GABRA2: variants seen among roughly 807,000 people sequenced by gnomAD.
GABRA2 encodes the protein gamma-aminobutyric acid receptor subunit alpha-2.
GABRA2 carries 16 observed loss-of-function variants against 48.7 expected under a neutral mutation model. That is an observed-to-expected ratio of 0.33 (90% CI 0.22 to 0.50). The LOEUF (loss-of-function observed/expected upper bound fraction) is 0.50. Among genes scored for constraint, GABRA2 ranks in the 20% least tolerant of loss-of-function variants. The pLI, the probability that GABRA2 is intolerant of heterozygous loss-of-function variation, is 0.98. For synonymous variants in GABRA2, 185 were observed against 184.5 expected (o/e 1.00, Z -0.02); for missense variants, 275 against 535.6 (o/e 0.51, Z 4.80).
chr4:46,343,370 G>A (rs1382179221), intron 3 of GABRA2, among the ~76,000 whole-genome samples: 1 of 151,848 alleles, frequency 6.6e-6, no homozygotes, highest in African/African-American at 2.4e-5. Context: ...CTCAATTTGG[G>A]GTAGAGGAAG....
At chr4:46,373,551 A>C (rs116277773) in intron 3 of GABRA2, among the ~76,000 whole-genome samples, 2,334 of 152,274 alleles carry the variant, frequency 0.015, 69 homozygotes, top group African/African-American at 0.054. Flanking sequence ...TATTACTAAT[A>C]ATATGGTTCT....
intron 2 of GABRA2, chr4:46,386,977 T>G (rs557595387): frequency 2.9e-4 from 44 of 152,360 alleles, no homozygotes; most frequent in African/African-American, 9.9e-4. Flanking sequence ...CCAGAAAAGC[T>G]TTAGAAATTG....
intron 4 of GABRA2, among the ~76,000 whole-genome samples, chr4:46,316,701 G>A (rs778847390): frequency 1.3e-5 from 2 of 152,014 alleles, no homozygotes; most frequent in Non-Finnish European, 2.9e-5. Flanking sequence ...GTGCAATCAC[G>A]AGGATTTCTC....
At chr4:46,389,684 C>T in intron 1 of GABRA2, 51 bp downstream of exon 1, 1 of 961,176 alleles carries the variant, frequency 1.0e-6, no homozygotes, top group Non-Finnish European at 1.2e-6. Flanking sequence ...GCACGCGAGG[C>T]AAAGACAAAC....
intron 3 of GABRA2, among the ~76,000 whole-genome samples, chr4:46,357,785 C>T (rs1474812931): frequency 1.3e-5 from 2 of 151,186 alleles, no homozygotes; most frequent in African/African-American, 2.4e-5. Context: ...CTCAGCCTCC[C>T]GAGTAGCTGG....
Position 46,244,950 on chromosome 4 carries a change from T to C in GABRA2, c.*5358A>G, listed in dbSNP as rs1351889184. ...ACCATGTAATGGCTCCCTTATTGAA[T>C]GAATATTCCCCAAAAGGCATGAATA... is the stretch of plus-strand genomic sequence containing the variant. On this transcript the variant is annotated 3_prime_UTR_variant, in exon 10 of 10. Transcript: ENST00000381620. Among the ~76,000 whole-genome samples the C allele has an allele frequency of 6.6e-6, 1 of 151,416 alleles. No individual in the cohort carries two copies. The highest frequency in any genetic ancestry group is 2.4e-5 in the African/African-American group (1 of 41,368).
At chr4:46,268,962 C>G (rs1718782071) in intron 8 of GABRA2, among the ~76,000 whole-genome samples, 1 of 151,858 alleles carries the variant, frequency 6.6e-6, no homozygotes, top group African/African-American at 2.4e-5. Context: ...CAGCAATGTT[C>G]TCACTTATAG....
rs1713815113 is a variant in GABRA2 at position 46,246,914 on chromosome 4, A to G, written c.*3394T>C. 6.6e-6 allele frequency among the ~76,000 whole-genome samples: 1 copy of G among 151,168 alleles called. No homozygotes were observed. The highest frequency in any genetic ancestry group is 2.1e-4 in the South Asian group (1 of 4,820). On this transcript the variant is annotated 3_prime_UTR_variant, in exon 10 of 10. Transcript: ENST00000381620. ...ATGATGACCGGCCATGCCAAAGAAA[A>G]GTACTTTGGTGCTCTTCTGGAATCC... is the stretch of plus-strand genomic sequence containing the variant.
intron 3 of GABRA2, chr4:46,365,583 T>C (rs1713914592): frequency 6.6e-6 from 1 of 152,138 alleles, no homozygotes. Context: ...TGGGTACTTT[T>C]ACAGGAACAT....
chr4:46,370,870 T>C lies in GABRA2; in HGVS notation c.187+15204A>G, dbSNP rs544315843. On this transcript the variant is annotated intron_variant, in intron 3 of 9. Transcript: ENST00000381620. The stretch of plus-strand genomic sequence containing the variant: ...TTTCTGTTCCAAGAACCCTATTTTC[T>C]ACTCTATTTGCCTTGAAACAAGCCA... Among the ~76,000 whole-genome samples the C allele has an allele frequency of 5.5e-4, 84 of 152,028 alleles. 1 individual carries two copies. In the South Asian group the frequency reaches 0.016, roughly 30 times the overall value.
chr4:46,317,461 A>G (rs279853), intron 4 of GABRA2, among the ~76,000 whole-genome samples: 71,925 of 151,522 alleles, frequency 0.47, 17,646 homozygotes, highest in African/African-American at 0.59. Context: ...AAGAATGTAA[A>G]TAAGTAAATT....
At chr4:46,273,506 T>TGC (rs1483580652) in intron 8 of GABRA2, among the ~76,000 whole-genome samples, 152 of 28,232 alleles carry the variant, frequency 5.4e-3, no homozygotes, top group African/African-American at 0.022. Context: ...TATATGCATA[T>TGC]ATATATATAT....
chr4:46,377,191 C>T (rs1176129261), intron 3 of GABRA2, among the ~76,000 whole-genome samples: 2 of 151,380 alleles, frequency 1.3e-5, no homozygotes, highest in African/African-American at 2.4e-5. Context: ...TCTGCCCGGC[C>T]GCCCATCGTC....
chr4:46,254,260 G>A (rs868558869), intron 9 of GABRA2, among the ~76,000 whole-genome samples: 15 of 151,444 alleles, frequency 9.9e-5, no homozygotes, highest in African/African-American at 2.9e-4. Flanking sequence ...TCAGCAGGTT[G>A]AATCCTTGGG....
At chr4:46,300,024 T>G (rs759636361) in intron 8 of GABRA2, among the ~76,000 whole-genome samples, 52 of 151,968 alleles carry the variant, frequency 3.4e-4, no homozygotes, top group Non-Finnish European at 6.5e-4. Context: ...CCCATGTTGT[T>G]CAAATTTTCA....
intron 8 of GABRA2, among the ~76,000 whole-genome samples, chr4:46,293,734 A>C (rs1051274938): frequency 6.6e-6 from 1 of 152,186 alleles, no homozygotes; most frequent in Non-Finnish European, 1.5e-5. Context: ...CTCTACCTAG[A>C]AAAATGTAAA....
At chr4:46,387,299 G>T (rs942964703) in intron 2 of GABRA2, among the ~76,000 whole-genome samples, 1 of 152,078 alleles carries the variant, frequency 6.6e-6, no homozygotes, top group Non-Finnish European at 1.5e-5. Flanking sequence ...TAAAATAAAA[G>T]ACAATATGTA....
At chr4:46,297,053 T>C (rs908873612) in intron 8 of GABRA2, among the ~76,000 whole-genome samples, 1 of 152,072 alleles carries the variant, frequency 6.6e-6, no homozygotes, top group African/African-American at 2.4e-5. Flanking sequence ...TCTCAGGAGA[T>C]GTGTATTGCA....
intron 7 of GABRA2, 41 bp from the exon 8 acceptor site, chr4:46,303,653 T>A: frequency 6.4e-7 from 1 of 1,563,494 alleles, no homozygotes; most frequent in Non-Finnish European, 8.8e-7. Context: ...TAATAGTCAA[T>A]ACTTTGAACA....
Sources: gnomAD v4.1 joint callset for allele counts (sites outside exome capture counted in the v4.1 genomes callset) on GRCh38, gnomAD v4.1.1 for gene constraint, MANE v1.5 for transcripts, NCBI Gene and HGNC (gene_info 2026-07-23, HGNC 2026-07-21) for gene names.